The following GPC5 variants were observed in gnomAD, a reference collection of about 807,000 sequenced individuals.
GPC5 encodes the protein glypican-5.
Under a neutral mutation model 53.9 loss-of-function variants are expected in GPC5, and 47 were observed. The ratio of observed to expected loss-of-function variants is 0.87; its 90% CI spans 0.69 to 1.11. The LOEUF (loss-of-function observed/expected upper bound fraction) is 1.11. GPC5 is among the 50% of genes most tolerant of loss of function. The pLI, the probability that GPC5 is intolerant of heterozygous loss-of-function variation, is 0.00. For synonymous variants in GPC5, 286 were observed against 263.3 expected, an observed-to-expected ratio of 1.09 and a Z score of -0.84; for missense variants, 748 against 713.1, an observed-to-expected ratio of 1.05 and a Z score of -0.56.
intron 6 of GPC5, among the ~76,000 whole-genome samples, chr13:91,957,069 C>G (rs977621046): frequency 1.3e-5 from 2 of 151,706 alleles, no homozygotes; most frequent in African/African-American, 4.8e-5. Context: ...AAAGACATTA[C>G]AAAGAAACCA....
chr13:92,836,734 G>A (rs1251060596), intron 7 of GPC5, among the ~76,000 whole-genome samples: 7 of 151,922 alleles, frequency 4.6e-5, no homozygotes, highest in African/African-American at 1.7e-4. Flanking sequence ...AATATTTATG[G>A]ACATTATAGA....
intron 5 of GPC5, among the ~76,000 whole-genome samples, chr13:91,847,212 T>C (rs1359729168): frequency 9.9e-6 from 1 of 101,016 alleles, no homozygotes; most frequent in Non-Finnish European, 1.9e-5. Context: ...AGAGCAAGAC[T>C]CCATCTCAAA....
At chr13:91,831,252 C>A (rs2038654527) in intron 5 of GPC5, among the ~76,000 whole-genome samples, 1 of 151,338 alleles carries the variant, frequency 6.6e-6, no homozygotes, top group Non-Finnish European at 1.5e-5. Flanking sequence ...GGGCAGGAAG[C>A]ATCCAGCATG....
intron 7 of GPC5, among the ~76,000 whole-genome samples, chr13:92,646,571 G>T (rs1274524252): frequency 1.3e-5 from 2 of 151,752 alleles, no homozygotes; most frequent in Non-Finnish European, 2.9e-5. Context: ...ATTTTGATAG[G>T]GATTGAATTG....
chr13:91,724,392 C>G (rs987620918), intron 3 of GPC5, among the ~76,000 whole-genome samples: 12 of 152,254 alleles, frequency 7.9e-5, no homozygotes, highest in African/African-American at 2.9e-4. Flanking sequence ...TGAAGTGAGC[C>G]TGTGCCTCCT....
intron 2 of GPC5, among the ~76,000 whole-genome samples, chr13:91,646,597 T>C (rs1314796927): frequency 1.3e-5 from 2 of 152,168 alleles, no homozygotes; most frequent in Non-Finnish European, 2.9e-5. Context: ...AATGGCTTTA[T>C]TTTCTTCAGT....
At chr13:92,345,445 G>A (rs941432191) in intron 7 of GPC5, among the ~76,000 whole-genome samples, 4 of 152,024 alleles carry the variant, frequency 2.6e-5, no homozygotes, top group Non-Finnish European at 4.4e-5. Context: ...AGAATAGGAA[G>A]TCTTGGGCTG....
At chr13:91,962,323 A>C (rs2040133712) in intron 6 of GPC5, among the ~76,000 whole-genome samples, 1 of 152,150 alleles carries the variant, frequency 6.6e-6, no homozygotes, top group Non-Finnish European at 1.5e-5. Context: ...AGAAATCCCA[A>C]AGTTTTTTCT....
chr13:92,162,478 T>C, intron 7 of GPC5, among the ~76,000 whole-genome samples: 1 of 152,154 alleles, frequency 6.6e-6, no homozygotes, highest in East Asian at 1.9e-4. Context: ...ATCTCAGTCT[T>C]AGGGATAACA....
At chr13:92,004,808 C>T (rs2040591881) in intron 6 of GPC5, among the ~76,000 whole-genome samples, 1 of 152,008 alleles carries the variant, frequency 6.6e-6, no homozygotes, top group Non-Finnish European at 1.5e-5. Flanking sequence ...CTTGTAAAAA[C>T]ATCAGATCTT....
rs565726731 is a variant in GPC5 at position 92,480,049 on chromosome 13, G to A, written c.1561+335060G>A. The stretch of plus-strand genomic sequence containing the variant: ...TGACTGTAATCCCAGTGCTTTAGGA[G>A]GTGGAGCTGGGAGGATCACTTGAGG... On this transcript the variant is annotated intron_variant, in intron 7 of 7. Coordinates refer to ENST00000377067, the MANE Select transcript of GPC5 (RefSeq NM_004466.6). Among the ~76,000 whole-genome samples, 6 of 152,302 alleles carry A rather than the reference G, an allele frequency of 3.9e-5. No homozygotes were observed. In the South Asian group the frequency reaches 1.2e-3, roughly 32 times the overall value.
chr13:91,551,874 T>A (rs1241032262), intron 2 of GPC5, among the ~76,000 whole-genome samples: 1 of 152,030 alleles, frequency 6.6e-6, no homozygotes. Flanking sequence ...AGCAAAGCTG[T>A]TTATATTGAG....
chr13:92,307,676 C>T (rs1432304831), intron 7 of GPC5, among the ~76,000 whole-genome samples: 1 of 152,222 alleles, frequency 6.6e-6, no homozygotes, highest in Non-Finnish European at 1.5e-5. Context: ...ATGAAAGCTA[C>T]TTCTCTCTCA....
chr13:92,655,334 ATTTTTAT>A (rs1566345339), intron 7 of GPC5, among the ~76,000 whole-genome samples: 24 of 116,578 alleles, frequency 2.1e-4, no homozygotes, highest in Non-Finnish European at 3.9e-4. Context: ...TATTTATTTT[ATTTTTAT>A]TTTATTTTTT....
intron 7 of GPC5, among the ~76,000 whole-genome samples, chr13:92,649,206 A>G (rs544743476): frequency 4.6e-4 from 70 of 152,256 alleles, no homozygotes; most frequent in African/African-American, 1.7e-3. Context: ...ACATGTTAAC[A>G]TTTAATCCAA....
intron 2 of GPC5, among the ~76,000 whole-genome samples, chr13:91,453,049 C>CTGAATA (rs142321829): frequency 2.0e-5 from 3 of 150,610 alleles, no homozygotes; most frequent in Non-Finnish European, 3.0e-5. Context: ...TTGCTAGAGT[C>CTGAATA]TAAGTGACAT....
At chr13:92,584,997 CA>C (rs766939034) in intron 7 of GPC5, among the ~76,000 whole-genome samples, 1 of 151,704 alleles carries the variant, frequency 6.6e-6, no homozygotes. Context: ...GATGCCTAGG[CA>C]AAAGTTTGCT....
At chr13:92,158,347 C>T (rs543115170) in intron 7 of GPC5, among the ~76,000 whole-genome samples, 1 of 151,940 alleles carries the variant, frequency 6.6e-6, no homozygotes, top group East Asian at 2.0e-4. Context: ...ATTTATTCAA[C>T]TGAAAAATCT....
chr13:92,559,275 G>A (rs1004977107), intron 7 of GPC5, among the ~76,000 whole-genome samples: 4 of 151,696 alleles, frequency 2.6e-5, no homozygotes, highest in African/African-American at 9.7e-5. Flanking sequence ...GCAATGATAT[G>A]TCAGCATCTG....
Sources: gnomAD v4.1 joint callset for allele counts (sites outside exome capture counted in the v4.1 genomes callset) on GRCh38, gnomAD v4.1.1 for gene constraint, MANE v1.5 for transcripts, NCBI Gene and HGNC (gene_info 2026-07-23, HGNC 2026-07-21) for gene names.